The following GPR157 variants were observed in gnomAD, a reference collection of about 807,000 sequenced individuals.
GPR157 encodes the protein G-protein coupled receptor 157.
Under a neutral mutation model 23.5 loss-of-function variants are expected in GPR157, and 16 were observed. The observed-to-expected ratio is 0.68, with a 90% CI of 0.46 to 1.04. The LOEUF (loss-of-function observed/expected upper bound fraction) is 1.04. Ranked by LOEUF, GPR157 falls within the 50% of genes least tolerant of loss-of-function variation. The pLI, the probability that GPR157 is intolerant of heterozygous loss-of-function variation, is 0.00. For missense variants in GPR157, 440 were observed against 460.7 expected, an observed-to-expected ratio of 0.96 and a Z score of 0.41; for synonymous variants, 200 against 221.5, an observed-to-expected ratio of 0.90 and a Z score of 0.86.
intron 1 of GPR157, among the ~76,000 whole-genome samples, chr1:9,125,008 AC>A (rs903645672): frequency 3.3e-5 from 5 of 151,604 alleles, no homozygotes; most frequent in African/African-American, 4.8e-5. Flanking sequence ...ACCGCGGGCG[AC>A]CCCCCTGTTG....
In GPR157 at chr1:9,128,693, G is replaced by T; in HGVS notation, c.335C>A (p.Ala112Glu). 6.2e-7 allele frequency: 1 copy of T among 1,613,232 alleles called. No homozygotes were observed. Among genetic ancestry groups the T allele is most frequent in the Non-Finnish European group, 8.5e-7 (1 of 1,179,910 alleles). The change falls in exon 1 of 4, where the codon GCG becomes GAG. Residue 112 changes from alanine to glutamate, a missense_variant. Physicochemically the swap from Ala to Glu is moderately radical, Grantham distance 107. Transcript: ENST00000377411. This position sits in a 1 kb window ranked among gnomAD's most constrained non-coding sequence, Gnocchi z 6.3. ...CAGGCGATCTGTGCGAGGCCCGCGC[G>T]CGGCGCGGACGATGCTGAGGTACAA... ...LYLYLSIVRA[A>E]RGPRTDRLLW...
chr1:9,124,368 G>T (rs948692872), intron 1 of GPR157, among the ~76,000 whole-genome samples: 2 of 152,144 alleles, frequency 1.3e-5, no homozygotes, highest in African/African-American at 2.4e-5. Context: ...TGCCAGGTTG[G>T]ACTGCCAGAA....
In GPR157 at chr1:9,120,164, G is replaced by A. The variant is rs566173344; in HGVS notation, c.383+8481C>T. On this transcript the variant is annotated intron_variant, in intron 1 of 3. Coordinates refer to ENST00000377411, the MANE Select transcript of GPR157 (RefSeq NM_024980.5). The surrounding 1 kb of genome is among the most constrained non-coding windows in gnomAD (Gnocchi z 4.1). ...CCCACTGGTTTTCAAAGACCCTTAG[G>A]ATGCCATCCCTGCTGCCAGGAAGGG... Among the ~76,000 whole-genome samples the A allele has an allele frequency of 5.1e-4, 77 of 152,280 alleles. 1 individual carries two copies. The highest frequency in any genetic ancestry group is 1.8e-3 in the African/African-American group (76 of 41,554).
At chr1:9,111,603 T>G in intron 1 of GPR157, 114 bp from the exon 2 acceptor site, 4 of 777,548 alleles carry the variant, frequency 5.1e-6, no homozygotes, top group Non-Finnish European at 6.4e-6. Context: ...CTCCAGAGCC[T>G]GGATGGCACA....
At chr1:9,117,137 C>T (rs1638699428) in intron 1 of GPR157, among the ~76,000 whole-genome samples, 1 of 152,152 alleles carries the variant, frequency 6.6e-6, no homozygotes, top group Admixed American at 6.5e-5. Flanking sequence ...AGCCCCATGC[C>T]CAGCTCTGTT....
At chr1:9,121,761 A>G (rs757807727) in intron 1 of GPR157, among the ~76,000 whole-genome samples, 5 of 152,114 alleles carry the variant, frequency 3.3e-5, no homozygotes, top group South Asian at 2.1e-4. Context: ...TTTATGGCAA[A>G]CATGGGGGGT....
intron 1 of GPR157, among the ~76,000 whole-genome samples, chr1:9,126,346 T>C (rs904573703): frequency 1.3e-5 from 2 of 152,234 alleles, no homozygotes; most frequent in Non-Finnish European, 2.9e-5. Flanking sequence ...TAATGGTATA[T>C]GACATATTTT....
chr1:9,114,905 A>C (rs1323698257), intron 1 of GPR157, among the ~76,000 whole-genome samples: 1 of 137,352 alleles, frequency 7.3e-6, no homozygotes, highest in Non-Finnish European at 1.5e-5. Context: ...TGGGTGACAG[A>C]GCGAGACTCC....
In GPR157 at chr1:9,111,089, G is replaced by A. The variant is rs371798316; in HGVS notation, c.597+187C>T. 4.0e-5 allele frequency: 26 copies of A among 649,188 alleles called. 1 individual carries two copies. Among genetic ancestry groups the A allele is most frequent in the African/African-American group, 2.1e-4 (12 of 56,376 alleles). 40.2% of individuals were successfully genotyped at this position (649,188 alleles called of 1,614,324 possible). A position where few individuals can be genotyped will look rare whatever the true frequency, so the allele number is the denominator to read the frequency against. ...AACGGGGCAGTGGGAACCAATGCACGATCCGTGTAACACAGCGTGTTGCAT... is the reference window on the plus strand; with the variant it reads ...AACGGGGCAGTGGGAACCAATGCACAATCCGTGTAACACAGCGTGTTGCAT... On this transcript the variant is annotated intron_variant, in intron 2 of 3. Coordinates refer to ENST00000377411, the MANE Select transcript of GPR157 (RefSeq NM_024980.5).
rs1638729782 is a variant in GPR157, at chr1:9,118,347, G to C, written c.384-6858C>G. On this transcript the variant is annotated intron_variant, in intron 1 of 3. Coordinates refer to ENST00000377411, the MANE Select transcript of GPR157 (RefSeq NM_024980.5). This position sits in a 1 kb window ranked among gnomAD's most constrained non-coding sequence, Gnocchi z 4.6. ...GGGTGCAAGGTGGGGATGTGGGTTA[G>C]AGCAGGTGACCCATAAGGCCCCTCC... is the stretch of plus-strand genomic sequence containing the variant. Among the ~76,000 whole-genome samples the C allele has an allele frequency of 6.6e-6, 1 of 152,212 alleles. No individual in the cohort carries two copies. Among genetic ancestry groups the C allele is most frequent in the South Asian group, 2.1e-4 (1 of 4,820 alleles).
intron 1 of GPR157, among the ~76,000 whole-genome samples, chr1:9,116,570 G>A (rs1404246090): frequency 2.7e-5 from 4 of 146,056 alleles, no homozygotes; most frequent in South Asian, 2.1e-4. Context: ...GTGAAACCCC[G>A]TCTCTACTAA....
Position 9,128,331 on chromosome 1 carries a change from G to A in GPR157, c.383+314C>T, listed in dbSNP as rs778877168. The A allele has an allele frequency of 1.1e-5, 7 of 617,548 alleles. No individual in the cohort carries two copies. Among genetic ancestry groups the A allele is most frequent in the South Asian group, 9.1e-5 (6 of 65,972 alleles). 38.3% of individuals were successfully genotyped at this position (617,548 alleles called of 1,614,324 possible). ...AGACAGCCAGGACACAGTGAAGCAG[G>A]TCACAAGGGGCTCAGAGTGTCCTCC... On this transcript the variant is annotated intron_variant, in intron 1 of 3. Coordinates refer to ENST00000377411, the MANE Select transcript of GPR157 (RefSeq NM_024980.5). The surrounding 1 kb of genome is among the most constrained non-coding windows in gnomAD (Gnocchi z 6.3).
At chr1:9,115,901 C>T (rs1199726679) in intron 1 of GPR157, among the ~76,000 whole-genome samples, 1 of 149,380 alleles carries the variant, frequency 6.7e-6, no homozygotes, top group Non-Finnish European at 1.5e-5. Flanking sequence ...AGATTGTCTA[C>T]CGCTGCTTTC....
At position 9,104,752 on chromosome 1, in the gene GPR157, GC is replaced by G. The variant is rs1638236624; in HGVS notation, c.793-119del. The G allele has an allele frequency of 4.3e-6, 3 of 703,542 alleles. 1 individual carries two copies. In the South Asian group the frequency reaches 5.5e-5, roughly 13 times the overall value. The allele number at this position is 703,542 out of a possible 1,614,324, so 43.6% of individuals were successfully genotyped here. ...GCGGTGGCTCACACCTGTAATCCCA[GC>G]CCTTTGGGAGGCTGAGGTGGGCGGA... is the stretch of plus-strand genomic sequence containing the variant. On this transcript the variant is annotated intron_variant, in intron 3 of 3. Coordinates refer to ENST00000377411, the MANE Select transcript of GPR157 (RefSeq NM_024980.5).
At chr1:9,106,501 C>T (rs1050247881) in intron 2 of GPR157, among the ~76,000 whole-genome samples, 1 of 152,228 alleles carries the variant, frequency 6.6e-6, no homozygotes, top group Non-Finnish European at 1.5e-5. Flanking sequence ...GAAGCCACAC[C>T]GACCTCCTTG....
chr1:9,105,575 T>C lies in GPR157; in HGVS notation c.703A>G (p.Ile235Val). ...ACGGTGCTCCAGACCCTGAGGCCGA[T>C]GAAGATGAGCGGGATGAGCACCAGC... ...KKLVLIPLIF[I>V]GLRVWSTVRF... Residue 235 changes from isoleucine (I) to valine (V), a missense_variant, in exon 3 of 4, where the codon ATC becomes GTC. Ile to Val is a conservative substitution (Grantham distance 29). Transcript: ENST00000377411. The surrounding 1 kb of genome is among the most constrained non-coding windows in gnomAD (Gnocchi z 4.8). 1 of 1,609,934 alleles carries C rather than the reference T, an allele frequency of 6.2e-7. No individual in the cohort carries two copies. The highest frequency in any genetic ancestry group is 8.5e-7 in the Non-Finnish European group (1 of 1,178,708).
At chr1:9,123,642 A>AATATTAAATAT (rs1294470799) in intron 1 of GPR157, among the ~76,000 whole-genome samples, 15 of 115,162 alleles carry the variant, frequency 1.3e-4, no homozygotes, top group African/African-American at 4.9e-4. Flanking sequence ...AATATACATT[A>AATATTAAATAT]ATATTAAATA....
At chr1:9,116,278 TATA>T (rs1440410406) in intron 1 of GPR157, among the ~76,000 whole-genome samples, 1 of 16,690 alleles carries the variant, frequency 6.0e-5, no homozygotes, top group Non-Finnish European at 8.1e-5. Context: ...TATAATTATA[TATA>T]AATTATATAT....
rs371870614 is a variant in GPR157 at position 9,109,470 on chromosome 1, G to A, written c.597+1806C>T. Among the ~76,000 whole-genome samples the A allele has an allele frequency of 4.5e-4, 69 of 152,158 alleles. 1 individual carries two copies. Among genetic ancestry groups the A allele is most frequent in the East Asian group, 9.6e-4 (5 of 5,186 alleles). On this transcript the variant is annotated intron_variant, in intron 2 of 3. Transcript: ENST00000377411. ...TGCAGTGGCGTAATCTTGGCTCACC[G>A]CAACCTCCATCTCTTGGGTTCAAGT...
Sources: gnomAD v4.1 joint callset for allele counts (sites outside exome capture counted in the v4.1 genomes callset) on GRCh38, gnomAD v4.1.1 for gene constraint, Gnocchi (gnomAD v3.1) non-coding constraint, MANE v1.5 for transcripts, NCBI Gene and HGNC (gene_info 2026-07-23, HGNC 2026-07-21) for gene names.